NUP62CL: variants seen among roughly 807,000 people sequenced by gnomAD.
NUP62CL encodes the protein nucleoporin-62 C-terminal-like protein.
NUP62CL carries 13 observed loss-of-function variants against 15.3 expected under a neutral mutation model. The ratio of observed to expected loss-of-function variants is 0.85; its 90% confidence interval spans 0.55 to 1.35. The LOEUF is 1.35. Ranked by LOEUF, NUP62CL falls within the 40% of genes most tolerant of loss-of-function variation. The probability of loss-of-function intolerance (pLI) is 0.00; values close to 1 mark genes in which losing one functional copy is unlikely to be tolerated. For missense variants in NUP62CL, 123 were observed against 130.6 expected, an observed-to-expected ratio of 0.94 and a Z score of 0.28; for synonymous variants, 54 against 49.2, an observed-to-expected ratio of 1.10 and a Z score of -0.41.
chrX:107,143,168 A>G (rs1418520771), intron 8 of NUP62CL, among the ~76,000 whole-genome samples: 1 of 111,998 alleles, frequency 8.9e-6, no homozygotes, highest in Non-Finnish European at 1.9e-5. Context: ...TGGATATTGA[A>G]AAGTTGACTG....
intron 8 of NUP62CL, among the ~76,000 whole-genome samples, chrX:107,126,297 T>C (rs1358998029): frequency 8.9e-6 from 1 of 112,265 alleles, no homozygotes; most frequent in Non-Finnish European, 1.9e-5. Context: ...ATTGTTAAGA[T>C]GGCAATTCTC....
chrX:107,188,958 T>C (rs1009938140), intron 2 of NUP62CL, among the ~76,000 whole-genome samples: 3 of 111,912 alleles, frequency 2.7e-5, no homozygotes, highest in Non-Finnish European at 5.6e-5. Context: ...CAAATCCTCA[T>C]GCAAAAAGGA....
At chrX:107,178,349 T>C (rs760119722) in intron 2 of NUP62CL, among the ~76,000 whole-genome samples, 5 of 111,940 alleles carry the variant, frequency 4.5e-5, no homozygotes, top group Non-Finnish European at 9.4e-5. Flanking sequence ...AGGTCTGGAA[T>C]AAATTTTCAG....
intron 4 of NUP62CL, among the ~76,000 whole-genome samples, chrX:107,165,791 G>A (rs191547812): frequency 0.016 from 1,775 of 111,492 alleles, 49 homozygotes; most frequent in African/African-American, 0.054. Context: ...AGGTGCAAAA[G>A]CAATTCAGGG....
At chrX:107,152,075 T>TATATATATATA (rs1240423833) in intron 7 of NUP62CL, among the ~76,000 whole-genome samples, 1 of 54,472 alleles carries the variant, frequency 1.8e-5, no homozygotes, top group Non-Finnish European at 2.8e-5. Context: ...TATATATATA[T>TATATATATATA]TCAGATATAT....
chrX:107,129,344 A>G (rs1925458346), intron 8 of NUP62CL, among the ~76,000 whole-genome samples: 1 of 111,315 alleles, frequency 9.0e-6, no homozygotes, highest in Non-Finnish European at 1.9e-5. Context: ...TCCCTACCCA[A>G]CTCCTGGAGA....
At chrX:107,194,324 AATTCTC>A (rs1927311097) in intron 1 of NUP62CL, among the ~76,000 whole-genome samples, 1 of 111,578 alleles carries the variant, frequency 9.0e-6, no homozygotes, top group Non-Finnish European at 1.9e-5. Context: ...ATAGAGAAAA[AATTCTC>A]ATAGTTACCA....
intron 8 of NUP62CL, among the ~76,000 whole-genome samples, chrX:107,129,899 G>A (rs1280804462): frequency 9.0e-6 from 1 of 111,488 alleles, no homozygotes; most frequent in Non-Finnish European, 1.9e-5. Flanking sequence ...ATAAGAACAG[G>A]ATGCTATTTA....
At chrX:107,155,999 G>T (rs1431348219) in intron 4 of NUP62CL, among the ~76,000 whole-genome samples, 1 of 111,792 alleles carries the variant, frequency 8.9e-6, no homozygotes, top group African/African-American at 3.3e-5. Context: ...TTCCCTTTCC[G>T]AGTCAAAGAA....
At chrX:107,188,168 G>A (rs746137763) in intron 2 of NUP62CL, among the ~76,000 whole-genome samples, 3 of 111,572 alleles carry the variant, frequency 2.7e-5, no homozygotes, top group Non-Finnish European at 3.8e-5. Flanking sequence ...AGAAAACTGC[G>A]GACCAATATC....
chrX:107,131,866 A>C, intron 8 of NUP62CL: 1 of 1,007,712 alleles, frequency 9.9e-7, no homozygotes, highest in Non-Finnish European at 1.4e-6. Flanking sequence ...ATTTGAAGAA[A>C]ATGTTGAACA....
intron 2 of NUP62CL, among the ~76,000 whole-genome samples, chrX:107,182,849 A>G (rs1926951910): frequency 2.7e-5 from 3 of 111,961 alleles, no homozygotes; most frequent in African/African-American, 6.5e-5. Context: ...GGAAAGGCCT[A>G]TATGAATAAG....
At chrX:107,140,858 A>G (rs754403227) in intron 8 of NUP62CL, among the ~76,000 whole-genome samples, 83 of 112,140 alleles carry the variant, frequency 7.4e-4, no homozygotes, top group African/African-American at 2.6e-3. Context: ...TATCTTATCC[A>G]TGAGGTGGCC....
chrX:107,182,782 T>C (rs887764152), intron 2 of NUP62CL, among the ~76,000 whole-genome samples: 12 of 111,082 alleles, frequency 1.1e-4, no homozygotes, highest in Non-Finnish European at 1.7e-4. Flanking sequence ...GGGGGAAAAA[T>C]TAAGATTCTT....
At chrX:107,201,189 T>C (rs139355338) in intron 1 of NUP62CL, among the ~76,000 whole-genome samples, 2,778 of 111,799 alleles carry the variant, frequency 0.025, 97 homozygotes, top group African/African-American at 0.085. Flanking sequence ...AGTTTTTTAA[T>C]TGTGGTAAAA....
intron 8 of NUP62CL, among the ~76,000 whole-genome samples, chrX:107,138,276 C>T (rs1340624778): frequency 9.0e-6 from 1 of 111,284 alleles, no homozygotes; most frequent in African/African-American, 3.3e-5. Context: ...TTAGACTGGA[C>T]ACCATAAACA....
rs1328904470 is a variant in NUP62CL, at chrX:107,152,135, GATATATATATATTCAGAT to G, written c.530+1019_530+1036del. On this transcript the variant is annotated intron_variant, in intron 7 of 8. Coordinates refer to ENST00000372466, the MANE Select transcript of NUP62CL (RefSeq NM_017681.3). Reference sequence around the variant, plus strand: ...ATATTCAGATATATATATATATTCAGATATATATATATTCAGATATATATATATATATTCAGATATATA... The same window carrying G: ...ATATTCAGATATATATATATATTCAGATATATATATATATTCAGATATATA... Among the ~76,000 whole-genome samples the G allele has an allele frequency of 1.8e-3, 86 of 47,197 alleles. 3 individuals are homozygous for G. The highest frequency in any genetic ancestry group is 0.011 in the East Asian group (12 of 1,111). 41.0% of individuals were successfully genotyped at this position (47,197 alleles called of 115,157 possible). A position where few individuals can be genotyped will look rare whatever the true frequency, so the allele number is the denominator to read the frequency against.
intron 8 of NUP62CL, among the ~76,000 whole-genome samples, chrX:107,129,812 G>T (rs190876776): frequency 9.0e-6 from 1 of 111,716 alleles, no homozygotes; most frequent in Non-Finnish European, 1.9e-5. Context: ...AAAGCTAAAA[G>T]AAATACTCCA....
At chrX:107,152,625 T>C (rs754477265) in intron 7 of NUP62CL, among the ~76,000 whole-genome samples, 1 of 111,867 alleles carries the variant, frequency 8.9e-6, no homozygotes, top group East Asian at 2.8e-4. Context: ...TGGCACTGTA[T>C]TGACAGAAGG....
Sources: allele counts gnomAD v4.1 joint callset (sites outside exome capture counted in the v4.1 genomes callset), GRCh38; gene constraint gnomAD v4.1.1; transcripts MANE v1.5; gene names NCBI Gene and HGNC (gene_info 2026-07-23, HGNC 2026-07-21).